Variants in RBFOX1 observed in about 807,000 individuals in gnomAD.
The protein encoded by RBFOX1 is RNA binding protein fox-1 homolog 1.
RBFOX1 carries 8 observed loss-of-function variants against 57.7 expected under a neutral mutation model. That is an observed-to-expected ratio of 0.14 (90% CI 0.08 to 0.25). The LOEUF (loss-of-function observed/expected upper bound fraction) is 0.25. RBFOX1 is among the 10% of genes least tolerant of loss of function. The probability of loss-of-function intolerance (pLI) is 1.00; values close to 1 mark genes in which losing one functional copy is unlikely to be tolerated. For missense variants in RBFOX1, 611 were observed against 548.5 expected (o/e 1.11, Z -1.14); for synonymous variants, 326 against 222.4 (o/e 1.47, Z -4.15).
chr16:5,343,832 A>G (rs563714518), intron 1 of RBFOX1, among the ~76,000 whole-genome samples: 1 of 152,340 alleles, frequency 6.6e-6, no homozygotes, highest in African/African-American at 2.4e-5. Flanking sequence ...TTCTGGAGTG[A>G]TAACCTTTAT....
intron 7 of RBFOX1, among the ~76,000 whole-genome samples, chr16:7,589,823 C>T (rs1461436747): frequency 6.6e-6 from 1 of 151,786 alleles, no homozygotes; most frequent in African/African-American, 2.4e-5. Flanking sequence ...TGAGTGGGCC[C>T]TTACGAGCCA....
chr16:7,445,335 C>T (rs2098799846), intron 4 of RBFOX1, among the ~76,000 whole-genome samples: 1 of 152,244 alleles, frequency 6.6e-6, no homozygotes, highest in East Asian at 1.9e-4. Flanking sequence ...TAGCACTCCC[C>T]GCTACTCCTC....
chr16:7,702,018 G>C (rs932888086), intron 14 of RBFOX1, among the ~76,000 whole-genome samples: 6 of 152,194 alleles, frequency 3.9e-5, no homozygotes, highest in Non-Finnish European at 7.3e-5. Flanking sequence ...GTCTCTCCAT[G>C]TACCTGCATA....
intron 4 of RBFOX1, among the ~76,000 whole-genome samples, chr16:5,908,719 C>G (rs902557829): frequency 6.6e-6 from 1 of 152,066 alleles, no homozygotes; most frequent in African/African-American, 2.4e-5. Flanking sequence ...CATATAAACT[C>G]GTGGGCCCCT....
chr16:6,683,956 C>A lies in RBFOX1; in HGVS notation c.-16+29306C>A, dbSNP rs563647516. On this transcript the variant is annotated intron_variant, in intron 3 of 15. Coordinates refer to ENST00000550418, the MANE Select transcript of RBFOX1 (RefSeq NM_018723.4). ...GTCACGCAGTGGGTGCCTGCTAATA[C>A]CTCTTCCCTTCTTTTCTCCATGTTA... Among the ~76,000 whole-genome samples the A allele has an allele frequency of 5.9e-5, 9 of 152,288 alleles. No homozygotes were observed. In the South Asian group the frequency reaches 1.9e-3, roughly 32 times the overall value.
At chr16:6,245,925 C>G (rs2097566801) in intron 1 of RBFOX1, among the ~76,000 whole-genome samples, 2 of 152,180 alleles carry the variant, frequency 1.3e-5, no homozygotes, top group African/African-American at 4.8e-5. Context: ...TTTAAGCTCT[C>G]TTAAGCCTAC....
chr16:6,433,909 A>G (rs1052751524), intron 2 of RBFOX1, among the ~76,000 whole-genome samples: 11 of 145,202 alleles, frequency 7.6e-5, no homozygotes, highest in African/African-American at 2.8e-4. Context: ...ATATAGTGGC[A>G]CCATCTCTGC....
chr16:6,189,939 A>C (rs577017440), intron 1 of RBFOX1, among the ~76,000 whole-genome samples: 6 of 152,272 alleles, frequency 3.9e-5, no homozygotes, highest in Non-Finnish European at 8.8e-5. Flanking sequence ...CTTTGCCCAG[A>C]CTAATGTCCT....
chr16:5,409,352 T>C (rs1432907417), intron 1 of RBFOX1, among the ~76,000 whole-genome samples: 1 of 152,178 alleles, frequency 6.6e-6, no homozygotes, highest in Non-Finnish European at 1.5e-5. Context: ...TGGTGTCTCA[T>C]CCTCTTCTCT....
chr16:6,688,080 T>C (rs1266816867), intron 3 of RBFOX1, among the ~76,000 whole-genome samples: 1 of 151,996 alleles, frequency 6.6e-6, no homozygotes, highest in African/African-American at 2.4e-5. Context: ...TGAGACTGGG[T>C]AATTTACAAA....
chr16:7,303,291 T>TCCTCC (rs1023182439), intron 4 of RBFOX1, among the ~76,000 whole-genome samples: 3 of 152,100 alleles, frequency 2.0e-5, no homozygotes, highest in Non-Finnish European at 2.9e-5. Flanking sequence ...CGCAGAAACC[T>TCCTCC]CCTCCCCTCC....
At chr16:7,384,543 G>A (rs138562190) in intron 4 of RBFOX1, among the ~76,000 whole-genome samples, 1 of 152,180 alleles carries the variant, frequency 6.6e-6, no homozygotes, top group Non-Finnish European at 1.5e-5. Flanking sequence ...ATCTTGGGCA[G>A]TATCATTTAT....
intron 2 of RBFOX1, among the ~76,000 whole-genome samples, chr16:6,570,170 C>G (rs1308142106): frequency 6.6e-6 from 1 of 152,164 alleles, no homozygotes; most frequent in African/African-American, 2.4e-5. Context: ...TAGGAAACTT[C>G]AAGTGTTCTA....
At chr16:7,217,292 C>CTTTTT (rs71147672) in intron 4 of RBFOX1, among the ~76,000 whole-genome samples, 33 of 104,052 alleles carry the variant, frequency 3.2e-4, no homozygotes, top group African/African-American at 8.1e-4. Flanking sequence ...TCTTATTCTT[C>CTTTTT]TTTTTTTTTT....
At chr16:6,006,583 C>T (rs1000188576) in intron 4 of RBFOX1, among the ~76,000 whole-genome samples, 1 of 152,180 alleles carries the variant, frequency 6.6e-6, no homozygotes, top group Non-Finnish European at 1.5e-5. Context: ...TTGCCTAAAG[C>T]CAGTTTTCCT....
chr16:6,254,731 C>G (rs1396906219), intron 1 of RBFOX1, among the ~76,000 whole-genome samples: 2 of 152,128 alleles, frequency 1.3e-5, no homozygotes, highest in Non-Finnish European at 2.9e-5. Flanking sequence ...TGAAAAACCT[C>G]TTTTAAAATT....
At chr16:5,635,446 G>A (rs1325011340) in intron 3 of RBFOX1, among the ~76,000 whole-genome samples, 1 of 152,210 alleles carries the variant, frequency 6.6e-6, no homozygotes, top group African/African-American at 2.4e-5. Flanking sequence ...GAAAGTTAAA[G>A]AGAATGAAAC....
chr16:5,738,911 T>G (rs781226935), intron 3 of RBFOX1, among the ~76,000 whole-genome samples: 3 of 152,184 alleles, frequency 2.0e-5, no homozygotes, highest in Non-Finnish European at 4.4e-5. Context: ...GGAAGATGGA[T>G]GAACTCAAAG....
At chr16:6,365,973 C>G (rs1207200162) in intron 2 of RBFOX1, among the ~76,000 whole-genome samples, 1 of 151,368 alleles carries the variant, frequency 6.6e-6, no homozygotes, top group Middle Eastern at 3.2e-3. Flanking sequence ...CCCTCCTTCT[C>G]TGGGTGTTTT....
Sources: allele counts gnomAD v4.1 joint callset (sites outside exome capture counted in the v4.1 genomes callset), GRCh38; gene constraint gnomAD v4.1.1; transcripts MANE v1.5; gene names NCBI Gene and HGNC (gene_info 2026-07-23, HGNC 2026-07-21).